Variants in PRRC1 observed in about 807,000 individuals in gnomAD.
PRRC1 encodes protein PRRC1.
In PRRC1, 39 loss-of-function variants were observed where a neutral mutation model predicts 40.7. That is an observed-to-expected ratio of 0.96 (90% CI 0.74 to 1.25). PRRC1 has a LOEUF of 1.25. Among genes scored for constraint, PRRC1 ranks in the 50% most tolerant of loss-of-function variants. The pLI is 0.00. For missense variants in PRRC1, 573 were observed against 548.3 expected, an observed-to-expected ratio of 1.05 and a Z score of -0.45; for synonymous variants, 175 against 193.3, an observed-to-expected ratio of 0.91 and a Z score of 0.79.
chr5:127,542,462 T>A (rs1439263485), intron 7 of PRRC1, among the ~76,000 whole-genome samples: 1 of 152,140 alleles, frequency 6.6e-6, no homozygotes, highest in Non-Finnish European at 1.5e-5. Flanking sequence ...CTGTCTAATG[T>A]TGACAGTGGG....
chr5:127,545,134 A>G (rs1768177486), intron 7 of PRRC1, among the ~76,000 whole-genome samples: 2 of 151,952 alleles, frequency 1.3e-5, no homozygotes, highest in African/African-American at 4.8e-5. Flanking sequence ...AAGTCAGGAA[A>G]CAACAGGTGC....
chr5:127,534,282 A>C (rs1372102843), intron 6 of PRRC1, among the ~76,000 whole-genome samples: 1 of 152,146 alleles, frequency 6.6e-6, no homozygotes, highest in Non-Finnish European at 1.5e-5. Context: ...TTGAAAAAAA[A>C]AGAAAAAACC....
rs781627832 is a variant in PRRC1 at position 127,547,858 on chromosome 5, C to T, written c.1065C>T (p.Val355=). 2.5e-6 allele frequency: 4 copies of T among 1,613,510 alleles called. No homozygotes were observed. The highest frequency in any genetic ancestry group is 1.7e-5 in the Admixed American group (1 of 60,004). Residue 355 remains valine, a synonymous_variant, in exon 8 of 9, where the codon GTC becomes GTT. Transcript: ENST00000296666. ...DIGCLVVEDP[V]HGIHLETFTQ... ...GTTGTTTGGTGGTTGAAGATCCTGT[C>T]CATGGCATTCATCTAGAAACATTTA... is the stretch of plus-strand genomic sequence containing the variant.
Position 127,524,627 on chromosome 5 carries a change from G to A in PRRC1, c.200G>A (p.Arg67Lys). ...STPQPPLPPV[R>K]PSAPLPFVPP... ...CCTCAGCCGCCCCTTCCTCCTGTGA[G>A]GCCTTCAGCACCATTACCTTTTGTG... The change falls in exon 3 of 9, where the codon AGG becomes AAG. Residue 67 changes from arginine (R) to lysine (K), a missense_variant. Transcript: ENST00000296666. 1 of 1,614,002 alleles carries A rather than the reference G, an allele frequency of 6.2e-7. No homozygotes were observed.
chr5:127,551,859 T>A lies in PRRC1; in HGVS notation c.1281T>A (p.Ser427Arg). The A allele has an allele frequency of 1.4e-5, 23 of 1,614,072 alleles. No individual in the cohort carries two copies. The highest frequency in any genetic ancestry group is 1.9e-5 in the Non-Finnish European group (23 of 1,179,984). ...TGTCCCGTCGGCAGATGATCTACAG[T>A]GCAGCCAGAGCGATAGCGGGCATGT... ...TGMSRRQMIY[S>R]AARAIAGMYK... The change falls in exon 9 of 9, where the codon AGT becomes AGA. Residue 427 changes from serine to arginine, a missense_variant. Coordinates refer to ENST00000296666, the MANE Select transcript of PRRC1 (RefSeq NM_130809.5).
At chr5:127,529,825 A>T (rs1381589060) in intron 4 of PRRC1, among the ~76,000 whole-genome samples, 1 of 152,164 alleles carries the variant, frequency 6.6e-6, no homozygotes, top group African/African-American at 2.4e-5. Flanking sequence ...CGTTAAGGTA[A>T]TAAGTAACTG....
intron 5 of PRRC1, among the ~76,000 whole-genome samples, chr5:127,531,747 T>TGA (rs943353245): frequency 3.0e-4 from 46 of 151,148 alleles, no homozygotes; most frequent in Non-Finnish European, 1.5e-5. Context: ...CTCAGTCTTC[T>TGA]GAGTAGCTGG....
intron 6 of PRRC1, among the ~76,000 whole-genome samples, chr5:127,536,937 G>A (rs1767916747): frequency 1.3e-5 from 2 of 151,768 alleles, no homozygotes; most frequent in South Asian, 4.2e-4. Flanking sequence ...AGTATAAAAT[G>A]GTAACCTGTT....
Position 127,526,757 on chromosome 5 carries a change from T to A in PRRC1, c.633T>A (p.Gly211=), listed in dbSNP as rs753196389. Residue 211 remains glycine (G), a synonymous_variant, in exon 4 of 9, where the codon GGT becomes GGA. Transcript: ENST00000296666. ...ITRGQDEASA[G]GIWGFIKGVA... Reference sequence around the variant, plus strand: ...GAGGTCAGGATGAAGCATCTGCTGGTGGAATCTGGGGTTTTATTAAGGTAA... The same window carrying A: ...GAGGTCAGGATGAAGCATCTGCTGGAGGAATCTGGGGTTTTATTAAGGTAA... 2.5e-6 allele frequency: 4 copies of A among 1,607,438 alleles called. No individual in the cohort carries two copies. Among genetic ancestry groups the A allele is most frequent in the Non-Finnish European group, 3.4e-6 (4 of 1,176,930 alleles).
intron 3 of PRRC1, among the ~76,000 whole-genome samples, chr5:127,526,048 T>C (rs945801372): frequency 6.6e-6 from 1 of 152,232 alleles, no homozygotes; most frequent in African/African-American, 2.4e-5. Flanking sequence ...GAATAATTGT[T>C]GCAAATGAGT....
intron 5 of PRRC1, 145 bp downstream of exon 5, chr5:127,530,541 C>T (rs1767741059): frequency 8.2e-6 from 4 of 488,130 alleles, no homozygotes; most frequent in Admixed American, 4.0e-5. Context: ...ATTTAATTGT[C>T]AGTCTTATTT....
intron 7 of PRRC1, 30 bp downstream of exon 7, chr5:127,539,173 A>G: frequency 6.5e-7 from 1 of 1,549,300 alleles, no homozygotes. Flanking sequence ...CTTGGAAGCA[A>G]AATATAATTG....
At chr5:127,542,429 T>C (rs1223643056) in intron 7 of PRRC1, among the ~76,000 whole-genome samples, 1 of 152,148 alleles carries the variant, frequency 6.6e-6, no homozygotes, top group Non-Finnish European at 1.5e-5. Context: ...TGGGTATCCT[T>C]GTTAACTTTC....
chr5:127,518,214 C>T (rs1176419067), intron 1 of PRRC1, among the ~76,000 whole-genome samples: 1 of 152,246 alleles, frequency 6.6e-6, no homozygotes, highest in Non-Finnish European at 1.5e-5. Flanking sequence ...CCGCTGTCTC[C>T]TGAAACAGGA....
At chr5:127,535,380 C>G (rs1767871758) in intron 6 of PRRC1, among the ~76,000 whole-genome samples, 1 of 152,118 alleles carries the variant, frequency 6.6e-6, no homozygotes, top group Non-Finnish European at 1.5e-5. Flanking sequence ...TTAACATCAA[C>G]AAACACAAAG....
chr5:127,549,395 C>CTT (rs1768313217), intron 8 of PRRC1: 1 of 151,980 alleles, frequency 6.6e-6, no homozygotes, highest in Non-Finnish European at 1.5e-5. Context: ...GTATCCTGAC[C>CTT]ATGAAAAATT....
At chr5:127,535,888 A>G (rs947524362) in intron 6 of PRRC1, among the ~76,000 whole-genome samples, 21 of 152,136 alleles carry the variant, frequency 1.4e-4, no homozygotes, top group African/African-American at 4.3e-4. Context: ...GTAGTGCTAC[A>G]TAAGTTTGAG....
intron 2 of PRRC1, among the ~76,000 whole-genome samples, chr5:127,524,280 CA>C (rs1767541070): frequency 6.6e-6 from 1 of 151,760 alleles, no homozygotes; most frequent in Non-Finnish European, 1.5e-5. Flanking sequence ...AAAAATACAC[CA>C]AAACAAACCA....
intron 6 of PRRC1, 71 bp from the exon 7 acceptor site, chr5:127,538,969 G>A (rs1767967055): frequency 1.1e-5 from 12 of 1,061,836 alleles, no homozygotes; most frequent in Middle Eastern, 2.0e-4. Flanking sequence ...CATGTATTGT[G>A]TAATCATAAA....
Sources: allele counts gnomAD v4.1 joint callset (sites outside exome capture counted in the v4.1 genomes callset), GRCh38; gene constraint gnomAD v4.1.1; transcripts MANE v1.5; gene names NCBI Gene and HGNC (gene_info 2026-07-23, HGNC 2026-07-21).